Variants in WWOX observed in about 807,000 individuals in gnomAD.
WWOX encodes the protein WW domain containing oxidoreductase, also known as WW domain-containing oxidoreductase.
WWOX carries 69 observed loss-of-function variants against 46.2 expected under a neutral mutation model. The observed-to-expected ratio is 1.49, with a 90% CI of 1.23 to 1.82. The LOEUF is 1.82. Ranked by LOEUF, WWOX falls within the 40% of genes most tolerant of loss-of-function variation. The pLI, the probability that WWOX is intolerant of heterozygous loss-of-function variation, is 0.00. For missense variants in WWOX, 919 were observed against 542.6 expected, an observed-to-expected ratio of 1.69 and a Z score of -6.89; for synonymous variants, 359 against 202.6, an observed-to-expected ratio of 1.77 and a Z score of -6.56.
At chr16:78,816,322 C>G (rs77254273) in intron 8 of WWOX, among the ~76,000 whole-genome samples, 4,691 of 152,102 alleles carry the variant, frequency 0.031, 102 homozygotes, top group Non-Finnish European at 0.045. Flanking sequence ...TCATTTTTTC[C>G]TGATATATCG....
intron 4 of WWOX, among the ~76,000 whole-genome samples, chr16:78,154,565 A>G (rs978850093): frequency 3.9e-5 from 5 of 129,516 alleles, no homozygotes; most frequent in African/African-American, 1.5e-4. Context: ...TCCTTCCAGT[A>G]AAGTTCTTGG....
intron 8 of WWOX, among the ~76,000 whole-genome samples, chr16:78,581,765 C>A (rs2045061306): frequency 6.6e-6 from 1 of 152,310 alleles, no homozygotes; most frequent in African/African-American, 2.4e-5. Flanking sequence ...AGGTTCCCTA[C>A]CTTTAGATGA....
intron 5 of WWOX, among the ~76,000 whole-genome samples, chr16:78,304,785 T>C (rs1259666902): frequency 1.3e-5 from 2 of 152,178 alleles, no homozygotes; most frequent in African/African-American, 4.8e-5. Flanking sequence ...GATCTATTCC[T>C]AGAAAGGATC....
chr16:78,969,241 A>T (rs189079977), intron 8 of WWOX, among the ~76,000 whole-genome samples: 92 of 148,882 alleles, frequency 6.2e-4, no homozygotes, highest in African/African-American at 2.2e-3. Flanking sequence ...TAACACTAGG[A>T]TTGCCACCCT....
chr16:78,669,199 C>G (rs1013840764), intron 8 of WWOX, among the ~76,000 whole-genome samples: 5 of 152,170 alleles, frequency 3.3e-5, no homozygotes, highest in Admixed American at 6.5e-5. Flanking sequence ...TCACACACTC[C>G]CTTGCTAAGA....
chr16:78,748,469 C>G (rs371602990), intron 8 of WWOX, among the ~76,000 whole-genome samples: 1 of 152,214 alleles, frequency 6.6e-6, no homozygotes, highest in Non-Finnish European at 1.5e-5. Flanking sequence ...TCCAGGCATG[C>G]TGGCTGTAAA....
At chr16:78,203,075 G>A (rs898504642) in intron 5 of WWOX, among the ~76,000 whole-genome samples, 17 of 152,208 alleles carry the variant, frequency 1.1e-4, no homozygotes, top group African/African-American at 4.1e-4. Flanking sequence ...TCCTGCCTCA[G>A]CCTATCCTTG....
intron 5 of WWOX, among the ~76,000 whole-genome samples, chr16:78,334,452 A>G (rs189759522): frequency 5.3e-4 from 80 of 152,304 alleles, no homozygotes; most frequent in Non-Finnish European, 1.0e-3. Context: ...ACCATTAAAG[A>G]TACAGCAAGC....
intron 5 of WWOX, among the ~76,000 whole-genome samples, chr16:78,297,769 C>G (rs2079965924): frequency 6.6e-6 from 1 of 152,040 alleles, no homozygotes; most frequent in East Asian, 1.9e-4. Context: ...GTCTTTATAT[C>G]CTAGTATGGG....
chr16:78,763,068 A>G (rs1319589706), intron 8 of WWOX, among the ~76,000 whole-genome samples: 1 of 152,200 alleles, frequency 6.6e-6, no homozygotes, highest in African/African-American at 2.4e-5. Flanking sequence ...ATATTGCAAT[A>G]AAGCAGATTT....
intron 6 of WWOX, among the ~76,000 whole-genome samples, chr16:78,395,906 C>G (rs1451805905): frequency 1.3e-5 from 2 of 152,142 alleles, no homozygotes; most frequent in African/African-American, 2.4e-5. Context: ...GTCTGTTCCT[C>G]TTGATTTTAG....
intron 8 of WWOX, among the ~76,000 whole-genome samples, chr16:78,459,094 C>T (rs950275222): frequency 3.9e-5 from 6 of 152,118 alleles, no homozygotes; most frequent in African/African-American, 9.7e-5. Flanking sequence ...AGGACTGATC[C>T]GCAAGGGCCT....
At chr16:78,413,036 G>A (rs1008604495) in intron 6 of WWOX, among the ~76,000 whole-genome samples, 4 of 152,162 alleles carry the variant, frequency 2.6e-5, no homozygotes, top group African/African-American at 9.7e-5. Flanking sequence ...GAATGAGCCA[G>A]TGGAGAGGAA....
At chr16:78,348,421 A>G (rs1197172077) in intron 5 of WWOX, among the ~76,000 whole-genome samples, 1 of 121,468 alleles carries the variant, frequency 8.2e-6, no homozygotes, top group African/African-American at 2.8e-5. Flanking sequence ...AAAAAAGATC[A>G]TAGAGCCAAA....
chr16:78,842,248 C>G (rs1041292366), intron 8 of WWOX, among the ~76,000 whole-genome samples: 3 of 151,576 alleles, frequency 2.0e-5, no homozygotes, highest in Non-Finnish European at 2.9e-5. Context: ...AATCTCAGCC[C>G]TTTTAGAAGC....
intron 8 of WWOX, among the ~76,000 whole-genome samples, chr16:78,932,792 C>T (rs1305745005): frequency 6.6e-6 from 1 of 152,130 alleles, no homozygotes; most frequent in African/African-American, 2.4e-5. Context: ...TCAGGCTGGT[C>T]CCAAGCCCCT....
At chr16:78,504,808 G>A (rs1055547226) in intron 8 of WWOX, among the ~76,000 whole-genome samples, 1 of 152,038 alleles carries the variant, frequency 6.6e-6, no homozygotes, top group African/African-American at 2.4e-5. Context: ...ATGCATCCGT[G>A]CTCAGGGCTC....
intron 8 of WWOX, among the ~76,000 whole-genome samples, chr16:79,030,636 A>G (rs937802704): frequency 2.6e-5 from 4 of 152,026 alleles, no homozygotes; most frequent in South Asian, 2.1e-4. Context: ...TTTTCGTTCA[A>G]CCTTTGTTTG....
intron 4 of WWOX, among the ~76,000 whole-genome samples, chr16:78,143,387 T>C (rs1428447082): frequency 1.3e-5 from 2 of 152,312 alleles, no homozygotes; most frequent in East Asian, 1.9e-4. Context: ...TAGAACCGAA[T>C]GTTAAAAGGA....
Sources: allele counts gnomAD v4.1 joint callset (sites outside exome capture counted in the v4.1 genomes callset), GRCh38; gene constraint gnomAD v4.1.1; transcripts MANE v1.5; gene names NCBI Gene and HGNC (gene_info 2026-07-23, HGNC 2026-07-21).